The following RBL1 variants were observed in gnomAD, a reference collection of about 807,000 sequenced individuals.
RBL1 encodes RB transcriptional corepressor like 1.
A neutral mutation model predicts 123.0 loss-of-function variants in RBL1; 82 were observed. The observed-to-expected ratio is 0.67, with a 90% CI of 0.56 to 0.80. RBL1 has a LOEUF of 0.80. Ranked by LOEUF, RBL1 falls within the 30% of genes least tolerant of loss-of-function variation. The pLI is 0.00. For missense variants in RBL1, 1,171 were observed against 1,299.6 expected, an observed-to-expected ratio of 0.90 and a Z score of 1.52; for synonymous variants, 405 against 441.3, an observed-to-expected ratio of 0.92 and a Z score of 1.03.
intron 2 of RBL1, among the ~76,000 whole-genome samples, chr20:37,072,828 C>T (rs551113799): frequency 6.6e-6 from 1 of 152,194 alleles, no homozygotes; most frequent in Admixed American, 6.5e-5. Flanking sequence ...CTGTGATATG[C>T]TCTTTGGCTG....
chr20:37,073,878 G>A (rs924456416), intron 2 of RBL1, among the ~76,000 whole-genome samples: 2 of 151,644 alleles, frequency 1.3e-5, no homozygotes, highest in South Asian at 2.1e-4. Context: ...AGGCCGAAGC[G>A]GGTGGATCAC....
intron 9 of RBL1, among the ~76,000 whole-genome samples, chr20:37,056,676 G>C (rs1454047057): frequency 3.3e-5 from 5 of 151,948 alleles, no homozygotes; most frequent in Non-Finnish European, 1.5e-5. Context: ...TCAAGAATTA[G>C]TTTTTAGCAG....
At chr20:37,078,068 C>T (rs2065392782) in intron 2 of RBL1, among the ~76,000 whole-genome samples, 2 of 152,036 alleles carry the variant, frequency 1.3e-5, no homozygotes. Flanking sequence ...GTAGTATGTC[C>T]CTAATTTGGG....
intron 7 of RBL1, among the ~76,000 whole-genome samples, chr20:37,062,968 C>T (rs570013386): frequency 6.6e-6 from 1 of 152,014 alleles, no homozygotes; most frequent in South Asian, 2.1e-4. Flanking sequence ...GGCGACAGAG[C>T]GAGACTCCGT....
chr20:37,007,301 C>T (rs1245912256), intron 20 of RBL1, 110 bp downstream of exon 20: 1 of 1,157,802 alleles, frequency 8.6e-7, no homozygotes, highest in Non-Finnish European at 1.2e-6. Flanking sequence ...TGGACATGCT[C>T]TGATTAATTG....
intron 14 of RBL1, 27 bp from the exon 15 acceptor site, chr20:37,035,535 A>C: frequency 6.7e-7 from 1 of 1,484,000 alleles, no homozygotes; most frequent in African/African-American, 1.4e-5. Context: ...AATTTAAAAC[A>C]GAAATGTATT....
In RBL1 at chr20:37,059,867, A is replaced by G. The variant is rs1468343336; in HGVS notation, c.1250+1236T>C. ...TGCTTCCTTAAAAAACAAAAAAAAA[A>G]ACTGTATAAAATTCCATTTTATGGG... On this transcript the variant is annotated intron_variant, in intron 9 of 21. Coordinates refer to ENST00000373664, the MANE Select transcript of RBL1 (RefSeq NM_002895.5). 2.0e-5 allele frequency among the ~76,000 whole-genome samples: 3 copies of G among 152,104 alleles called. No individual in the cohort carries two copies. The East Asian group carries it at 5.8e-4, about 29-fold the overall frequency.
At chr20:37,051,362 G>GT (rs1301593801) in intron 11 of RBL1, among the ~76,000 whole-genome samples, 1 of 152,042 alleles carries the variant, frequency 6.6e-6, no homozygotes, top group Admixed American at 6.6e-5. Flanking sequence ...GTATTTTTTA[G>GT]TAGAGACAGG....
At chr20:37,018,972 AAAC>A (rs1423604507) in intron 18 of RBL1, among the ~76,000 whole-genome samples, 1 of 152,118 alleles carries the variant, frequency 6.6e-6, no homozygotes, top group Non-Finnish European at 1.5e-5. Context: ...TAAAACAAAC[AAAC>A]AAAAAACAAA....
chr20:37,046,878 G>C (rs1258591383), intron 12 of RBL1, among the ~76,000 whole-genome samples, 175 bp downstream of exon 12: 1 of 152,046 alleles, frequency 6.6e-6, no homozygotes, highest in Non-Finnish European at 1.5e-5. Context: ...CTTTCAAAGT[G>C]CTGGGATTAC....
At position 37,061,211 on chromosome 20, in the gene RBL1, T is replaced by G. The variant is rs764672063; in HGVS notation, c.1142A>C (p.Glu381Ala). 1.2e-6 allele frequency: 2 copies of G among 1,614,160 alleles called. No individual in the cohort carries two copies. Among genetic ancestry groups the G allele is most frequent in the Non-Finnish European group, 1.7e-6 (2 of 1,180,020 alleles). The change falls in exon 9 of 22, where the codon GAA (glutamate) becomes GCA (alanine). Residue 381 changes from glutamate to alanine, a missense_variant. Glu to Ala is a moderately radical substitution (Grantham distance 107, BLOSUM62 -1). Transcript: ENST00000373664. ...LTGRRYLREK[E>A]AVITPVASAT... is the part of the protein sequence containing the mutation. ...TGATGCAACAGGAGTAATGACTGCTTCTTTTTCTCGTAAATATCTCCGTCC... is the reference window on the plus strand; with the variant it reads ...TGATGCAACAGGAGTAATGACTGCTGCTTTTTCTCGTAAATATCTCCGTCC...
chr20:37,040,034 G>A (rs776252907), intron 14 of RBL1, 119 bp downstream of exon 14: 57 of 1,425,700 alleles, frequency 4.0e-5, no homozygotes, highest in Middle Eastern at 4.9e-4. Context: ...GCTCCTTTTC[G>A]AACCCTGCTG....
chr20:37,028,749 C>T (rs2064461775), intron 16 of RBL1, among the ~76,000 whole-genome samples: 1 of 152,148 alleles, frequency 6.6e-6, no homozygotes, highest in Non-Finnish European at 1.5e-5. Context: ...TGGCAAAAAA[C>T]ATAAGTTAGA....
chr20:37,053,409 A>T (rs1338776042), intron 11 of RBL1, among the ~76,000 whole-genome samples: 1 of 152,182 alleles, frequency 6.6e-6, no homozygotes, highest in Admixed American at 6.6e-5. Flanking sequence ...CTTAACTGGC[A>T]TATCTAAATT....
In RBL1 at chr20:37,056,186, G is replaced by C. The variant is rs200214587; in HGVS notation, c.1323C>G (p.His441Gln). Residue 441 changes from histidine (H) to glutamine (Q), a missense_variant, in exon 10 of 22, where the codon CAC becomes CAG. Transcript: ENST00000373664. ...GCTGTTCATCTGTTGATTGAGTATA[G>C]TGTTGACAGAAAGTCTCTCCTATTC... ...LKGIGETFCQ[H>Q]YTQSTDEQPG... The C allele has an allele frequency of 2.2e-5, 35 of 1,611,136 alleles. No individual in the cohort carries two copies. The African/African-American group carries it at 4.3e-4, about 20-fold the overall frequency.
chr20:37,042,571 A>C (rs1395789215), intron 13 of RBL1, among the ~76,000 whole-genome samples: 1 of 152,062 alleles, frequency 6.6e-6, no homozygotes, highest in African/African-American at 2.4e-5. Context: ...GTTCACACAA[A>C]AACTTGTGCC....
intron 2 of RBL1, among the ~76,000 whole-genome samples, chr20:37,075,165 T>G (rs1236359739): frequency 6.6e-6 from 1 of 152,162 alleles, no homozygotes; most frequent in Non-Finnish European, 1.5e-5. Context: ...GAAAACTCTA[T>G]AGAGACAGAA....
At chr20:37,085,045 G>A (rs2065517505) in intron 2 of RBL1, among the ~76,000 whole-genome samples, 1 of 151,562 alleles carries the variant, frequency 6.6e-6, no homozygotes, top group African/African-American at 2.4e-5. Context: ...GGGAGTCCAG[G>A]CATGAGCTAC....
intron 20 of RBL1, 137 bp downstream of exon 20, chr20:37,007,274 A>G (rs1314632185): frequency 2.2e-6 from 2 of 895,864 alleles, no homozygotes; most frequent in African/African-American, 3.4e-5. Flanking sequence ...CATAGCCTTA[A>G]TCACTGATTA....
Sources: gnomAD v4.1 joint callset for allele counts (sites outside exome capture counted in the v4.1 genomes callset) on GRCh38, gnomAD v4.1.1 for gene constraint, MANE v1.5 for transcripts, NCBI Gene and HGNC (gene_info 2026-07-23, HGNC 2026-07-21) for gene names.